The following IGSF3 variants were observed in gnomAD, a reference collection of about 807,000 sequenced individuals.
IGSF3 encodes the protein glu-Trp-Ile EWI motif-containing protein 3.
IGSF3 carries 23 observed loss-of-function variants against 114.4 expected under a neutral mutation model. The ratio of observed to expected loss-of-function variants is 0.20; its 90% CI spans 0.14 to 0.28. The LOEUF is 0.28. IGSF3 is among the 10% of genes least tolerant of loss of function. The pLI is 1.00. For synonymous variants in IGSF3, 571 were observed against 645.2 expected (o/e 0.88, Z 1.74); for missense variants, 1,172 against 1,591.5 (o/e 0.74, Z 4.48).
Position 116,610,790 on chromosome 1 carries a change from C to G in IGSF3, c.833-2459G>C, listed in dbSNP as rs908555005. Among the ~76,000 whole-genome samples, 5 of 152,190 alleles carry G rather than the reference C, an allele frequency of 3.3e-5. No individual in the cohort carries two copies. Among genetic ancestry groups the G allele is most frequent in the Non-Finnish European group, 5.9e-5 (4 of 68,030 alleles). ...TTCCAGGGCCCTGATCACTCTCAGG[C>G]TCGGTCTCTGAGCCCCAGACCCCTG... On this transcript the variant is annotated intron_variant, in intron 4 of 10. Coordinates refer to ENST00000369486, the MANE Select transcript of IGSF3 (RefSeq NM_001007237.3). This position sits in a 1 kb window ranked among gnomAD's most constrained non-coding sequence, Gnocchi z 4.3.
intron 2 of IGSF3, among the ~76,000 whole-genome samples, chr1:116,641,174 G>A (rs1243326924): frequency 1.3e-5 from 2 of 152,098 alleles, no homozygotes; most frequent in South Asian, 2.1e-4. Flanking sequence ...TCTCCACTTC[G>A]GTACATATTT....
chr1:116,632,484 C>G lies in IGSF3; in HGVS notation c.44-16027G>C, dbSNP rs185794607. Among the ~76,000 whole-genome samples the G allele has an allele frequency of 6.6e-6, 1 of 152,214 alleles. No homozygotes were observed. Among genetic ancestry groups the G allele is most frequent in the Admixed American group, 6.5e-5 (1 of 15,286 alleles). ...CTATGGAACAGCTAACCACACAACG[C>G]AGCATACTGAATGAGAAGCCTCGCA... On this transcript the variant is annotated intron_variant, in intron 2 of 10. Transcript: ENST00000369486. The surrounding 1 kb of genome is among the most constrained non-coding windows in gnomAD (Gnocchi z 5.1).
At chr1:116,622,318 C>A (rs1661449382) in intron 2 of IGSF3, among the ~76,000 whole-genome samples, 1 of 152,100 alleles carries the variant, frequency 6.6e-6, no homozygotes, top group Non-Finnish European at 1.5e-5. Context: ...TGAAAGCCAC[C>A]AAATGAATAT....
In IGSF3 at chr1:116,633,127, C is replaced by A. The variant is rs1647669390; in HGVS notation, c.44-16670G>T. On this transcript the variant is annotated intron_variant, in intron 2 of 10. Transcript: ENST00000369486. The surrounding 1 kb of genome is among the most constrained non-coding windows in gnomAD (Gnocchi z 4.3). ...GCTTTATGCAGAGTTCAGCTGCCAT[C>A]TGTCCCTTTGAAGGCCAGCTAAGAA... Among the ~76,000 whole-genome samples the A allele has an allele frequency of 6.6e-6, 1 of 152,246 alleles. No individual in the cohort carries two copies. Among genetic ancestry groups the A allele is most frequent in the Admixed American group, 6.5e-5 (1 of 15,290 alleles).
intron 2 of IGSF3, among the ~76,000 whole-genome samples, chr1:116,656,455 C>T (rs746252385): frequency 1.4e-4 from 22 of 151,856 alleles, no homozygotes; most frequent in Admixed American, 3.9e-4. Flanking sequence ...TGCCCGCCAC[C>T]ACACCCAGCT....
chr1:116,576,815 T>C lies in IGSF3; in HGVS notation c.*497A>G, dbSNP rs549742858. The C allele has an allele frequency of 6.5e-6, 1 of 154,220 alleles. No homozygotes were observed. The highest frequency in any genetic ancestry group is 2.0e-4 in the South Asian group (1 of 4,924). The allele number at this position is 154,220 out of a possible 1,614,324, so 9.6% of individuals were successfully genotyped here. A position where few individuals can be genotyped will look rare whatever the true frequency, so the allele number is the denominator to read the frequency against. ...AAACGTTTGGGTATATTTTGATCCATGGGTGGCATTTTCAAATGTGCAAAA... is the reference window on the plus strand; with the variant it reads ...AAACGTTTGGGTATATTTTGATCCACGGGTGGCATTTTCAAATGTGCAAAA... On this transcript the variant is annotated 3_prime_UTR_variant, in exon 11 of 11. Transcript: ENST00000369486. This position sits in a 1 kb window ranked among gnomAD's most constrained non-coding sequence, Gnocchi z 4.6.
rs1660745479 is a variant in IGSF3 at position 116,605,216 on chromosome 1, C to T, written c.1223-1191G>A. Among the ~76,000 whole-genome samples, 1 of 151,658 alleles carries T rather than the reference C, an allele frequency of 6.6e-6. No homozygotes were observed. The highest frequency in any genetic ancestry group is 6.6e-5 in the Admixed American group (1 of 15,234). On this transcript the variant is annotated intron_variant, in intron 5 of 10. Transcript: ENST00000369486. This position sits in a 1 kb window ranked among gnomAD's most constrained non-coding sequence, Gnocchi z 5.1. ...TTAAACCAATTAATTAAATCAAATC[C>T]CAGATTTTAAGAGGCACACCCAATT...
At chr1:116,591,669 T>C (rs1341124979) in intron 7 of IGSF3, among the ~76,000 whole-genome samples, 1 of 152,218 alleles carries the variant, frequency 6.6e-6, no homozygotes, top group Non-Finnish European at 1.5e-5. Context: ...TATTCTATGC[T>C]CTGGATTTCC....
At position 116,632,977 on chromosome 1, in the gene IGSF3, C is replaced by T. The variant is rs1647661658; in HGVS notation, c.44-16520G>A. On this transcript the variant is annotated intron_variant, in intron 2 of 10. Coordinates refer to ENST00000369486, the MANE Select transcript of IGSF3 (RefSeq NM_001007237.3). This position sits in a 1 kb window ranked among gnomAD's most constrained non-coding sequence, Gnocchi z 5.1. ...AGTTTCTTCACTGCAGCTATCCTGC[C>T]AGGCTCATTGTAAAGTGACGAATTT... Among the ~76,000 whole-genome samples, 1 of 152,236 alleles carries T rather than the reference C, an allele frequency of 6.6e-6. No homozygotes were observed. The highest frequency in any genetic ancestry group is 6.5e-5 in the Admixed American group (1 of 15,282).
chr1:116,578,229 T>C (rs1659441141), intron 10 of IGSF3, among the ~76,000 whole-genome samples: 1 of 152,170 alleles, frequency 6.6e-6, no homozygotes, highest in South Asian at 2.1e-4. Context: ...GCCCCTGTTT[T>C]CTCTGTAAAA....
rs1243979888 is a variant in IGSF3, at chr1:116,662,169, C to T, written c.43+4115G>A. Among the ~76,000 whole-genome samples the T allele has an allele frequency of 1.3e-5, 2 of 151,962 alleles. No individual in the cohort carries two copies. The highest frequency in any genetic ancestry group is 4.8e-5 in the African/African-American group (2 of 41,362). ...CACTGCAACCTCTGCCTCCTGGGTT[C>T]AAGCGATTCTCCTGCCTCAGCCTCC... On this transcript the variant is annotated intron_variant, in intron 2 of 10. Transcript: ENST00000369486. The surrounding 1 kb of genome is among the most constrained non-coding windows in gnomAD (Gnocchi z 4.3).
intron 7 of IGSF3, among the ~76,000 whole-genome samples, chr1:116,597,713 A>T (rs1383648199): frequency 6.6e-6 from 1 of 152,224 alleles, no homozygotes; most frequent in Non-Finnish European, 1.5e-5. Flanking sequence ...GGGGTCTCCC[A>T]ACCCTCCAGC....
At position 116,648,827 on chromosome 1, in the gene IGSF3, T is replaced by C. The variant is rs1175550912; in HGVS notation, c.43+17457A>G. Among the ~76,000 whole-genome samples the C allele has an allele frequency of 6.6e-6, 1 of 152,158 alleles. No homozygotes were observed. The highest frequency in any genetic ancestry group is 1.5e-5 in the Non-Finnish European group (1 of 68,026). On this transcript the variant is annotated intron_variant, in intron 2 of 10. Coordinates refer to ENST00000369486, the MANE Select transcript of IGSF3 (RefSeq NM_001007237.3). This position sits in a 1 kb window ranked among gnomAD's most constrained non-coding sequence, Gnocchi z 4.7. The stretch of plus-strand genomic sequence containing the variant: ...CCAAACATTCTCCTCTGCAAGGCAC[T>C]TGGCATTCTGGTGCCTGTGGAGAGA...
At position 116,614,576 on chromosome 1, in the gene IGSF3, C is replaced by T. The variant is rs988751107; in HGVS notation, c.422-401G>A. Among the ~76,000 whole-genome samples, 10 of 152,162 alleles carry T rather than the reference C, an allele frequency of 6.6e-5. No homozygotes were observed. Among genetic ancestry groups the T allele is most frequent in the Admixed American group, 1.3e-4 (2 of 15,282 alleles). On this transcript the variant is annotated intron_variant, in intron 3 of 10. Coordinates refer to ENST00000369486, the MANE Select transcript of IGSF3 (RefSeq NM_001007237.3). The surrounding 1 kb of genome is among the most constrained non-coding windows in gnomAD (Gnocchi z 4.5). ...TCTGACTGATCCTGTAATGGAAATG[C>T]CTCCTGGAACTTTTAGTTTTACATT...
rs374636457 is a variant in IGSF3, at chr1:116,600,134, G to A, written c.1836C>T (p.Ser612=). Residue 612 remains serine, a synonymous_variant, in exon 7 of 11, where the codon AGC becomes AGT. Coordinates refer to ENST00000369486, the MANE Select transcript of IGSF3 (RefSeq NM_001007237.3). The surrounding 1 kb of genome is among the most constrained non-coding windows in gnomAD (Gnocchi z 5.5). ...TCTCGATGGCAGTTCGGGTTCGGAAGCTGGAGGACCTGTCCCCCCACTGGA... is the reference window on the plus strand; with the variant it reads ...TCTCGATGGCAGTTCGGGTTCGGAAACTGGAGGACCTGTCCCCCCACTGGA... ...GGVQWGDRSS[S]FRTRTAIEKA... is the part of the protein sequence containing the mutation. 64 of 1,614,032 alleles carry A rather than the reference G, an allele frequency of 4.0e-5. No individual in the cohort carries two copies. The highest frequency in any genetic ancestry group is 1.1e-4 in the African/African-American group (8 of 74,934).
At chr1:116,608,949 T>C (rs1660906824) in intron 4 of IGSF3, among the ~76,000 whole-genome samples, 1 of 152,082 alleles carries the variant, frequency 6.6e-6, no homozygotes, top group African/African-American at 2.4e-5. Context: ...TAATGTCTGT[T>C]CACTAGTTTA....
At chr1:116,646,706 G>C (rs1254113875) in intron 2 of IGSF3, among the ~76,000 whole-genome samples, 1 of 152,172 alleles carries the variant, frequency 6.6e-6, no homozygotes, top group East Asian at 1.9e-4. Context: ...GAACAAAGCC[G>C]GGGTCCCTCA....
Position 116,614,177 on chromosome 1 carries a change from T to A in IGSF3, c.422-2A>T. 1 of 1,605,472 alleles carries A rather than the reference T, an allele frequency of 6.2e-7. No homozygotes were observed. The highest frequency in any genetic ancestry group is 8.5e-7 in the Non-Finnish European group (1 of 1,173,842). On this transcript the variant is annotated splice_acceptor_variant, in intron 3 of 10. Transcript: ENST00000369486. LOFTEE classifies it high-confidence loss of function. This position sits in a 1 kb window ranked among gnomAD's most constrained non-coding sequence, Gnocchi z 4.5. ...TGGTCTGCAGGGAGTCTGGGATCAC[T>A]GCAACACAGAAATGTCCTGAGAGTG...
At position 116,633,697 on chromosome 1, in the gene IGSF3, T is replaced by A. The variant is rs1412724906; in HGVS notation, c.44-17240A>T. ...CTTCCTTCTTGTCTACTAAACTCTC[T>A]GTGCCTTAGAACCAAAAATAAAAAA... On this transcript the variant is annotated intron_variant, in intron 2 of 10. Coordinates refer to ENST00000369486, the MANE Select transcript of IGSF3 (RefSeq NM_001007237.3). The surrounding 1 kb of genome is among the most constrained non-coding windows in gnomAD (Gnocchi z 4.3). Among the ~76,000 whole-genome samples, 3 of 152,334 alleles carry A rather than the reference T, an allele frequency of 2.0e-5. No individual in the cohort carries two copies. In the Middle Eastern group the frequency reaches 0.01, roughly 518 times the overall value.
Sources: allele counts gnomAD v4.1 joint callset (sites outside exome capture counted in the v4.1 genomes callset), GRCh38; gene constraint gnomAD v4.1.1; non-coding constraint Gnocchi (gnomAD v3.1); transcripts MANE v1.5; gene names NCBI Gene and HGNC (gene_info 2026-07-23, HGNC 2026-07-21).